Variants in OTOGL observed in about 807,000 individuals in gnomAD.
OTOGL encodes otogelin like.
In OTOGL, 285 loss-of-function variants were observed where a neutral mutation model predicts 318.5. That is an observed-to-expected ratio of 0.89 (90% CI 0.81 to 0.99). OTOGL has a LOEUF of 0.99. OTOGL is among the 50% of genes least tolerant of loss of function. OTOGL has a pLI of 0.00. For missense variants in OTOGL, 2,899 were observed against 2,845.6 expected (o/e 1.02, Z -0.43); for synonymous variants, 987 against 936.5 (o/e 1.05, Z -0.99).
At chr12:80,203,503 C>T (rs1400819888) in intron 1 of OTOGL, among the ~76,000 whole-genome samples, 1 of 152,114 alleles carries the variant, frequency 6.6e-6, no homozygotes, top group Non-Finnish European at 1.5e-5. Context: ...GGGTGGAGGG[C>T]AGCACCATTA....
chr12:80,371,477 G>A (rs941848943), intron 56 of OTOGL, among the ~76,000 whole-genome samples: 17 of 151,954 alleles, frequency 1.1e-4, no homozygotes, highest in Admixed American at 3.9e-4. Flanking sequence ...TATTTATAGC[G>A]TAAATCATTC....
intron 1 of OTOGL, among the ~76,000 whole-genome samples, chr12:80,154,401 A>G (rs1464208903): frequency 6.6e-6 from 1 of 152,198 alleles, no homozygotes; most frequent in Non-Finnish European, 1.5e-5. Flanking sequence ...GAAACCACCA[A>G]CTGTTATAGT....
At chr12:80,300,122 G>A (rs1160621127) in intron 27 of OTOGL, among the ~76,000 whole-genome samples, 1 of 151,584 alleles carries the variant, frequency 6.6e-6, no homozygotes. Flanking sequence ...CTGACTTGGG[G>A]GCAGGGCAAG....
Position 80,358,763 on chromosome 12 carries a change from A to G in OTOGL, c.6214A>G (p.Thr2072Ala). Reference sequence around the variant, plus strand: ...AAATGTATCTGGTCAATGTTGCCCAACATGGCACTGTGGTAACTAATTTTC... The same window carrying G: ...AAATGTATCTGGTCAATGTTGCCCAGCATGGCACTGTGGTAACTAATTTTC... ...KENVSGQCCP[T>A]WHCECNCENL... Residue 2072 changes from threonine (T) to alanine (A), a missense_variant, in exon 51 of 59, where the codon ACA becomes GCA. By Grantham distance (58) the Thr-to-Ala change is moderately conservative (BLOSUM62 0). Around this residue, in one of 3 missense-constraint regions of OTOGL, gnomAD observed 2,607 missense variants for 2,524.9 expected, o/e 1.03. Transcript: ENST00000547103. 6.2e-7 allele frequency: 1 copy of G among 1,607,226 alleles called. No homozygotes were observed. Among genetic ancestry groups the G allele is most frequent in the Admixed American group, 1.7e-5 (1 of 59,918 alleles).
At chr12:80,368,012 G>A (rs374796101) in intron 54 of OTOGL, among the ~76,000 whole-genome samples, 193 bp from the exon 55 acceptor site, 6 of 151,988 alleles carry the variant, frequency 3.9e-5, no homozygotes, top group African/African-American at 1.2e-4. Flanking sequence ...TAGAAGTAAA[G>A]GTTAACATCT....
chr12:80,242,194 A>C (rs1880441999), intron 11 of OTOGL, among the ~76,000 whole-genome samples: 1 of 152,200 alleles, frequency 6.6e-6, no homozygotes, highest in Non-Finnish European at 1.5e-5. Flanking sequence ...TTCATCATTG[A>C]GAAATTAACA....
chr12:80,171,860 T>C (rs1206156969), intron 1 of OTOGL, among the ~76,000 whole-genome samples: 1 of 152,164 alleles, frequency 6.6e-6, no homozygotes, highest in East Asian at 1.9e-4. Context: ...TTCTCTATTA[T>C]TCTTCTTAGT....
At chr12:80,334,493 G>A (rs769033579) in intron 38 of OTOGL, among the ~76,000 whole-genome samples, 13 of 152,052 alleles carry the variant, frequency 8.5e-5, no homozygotes, top group African/African-American at 2.4e-4. Flanking sequence ...AATTCTCAGC[G>A]GATAAATGGT....
In OTOGL at chr12:80,325,560, G is replaced by A. The variant is rs558207546; in HGVS notation, c.4199+1720G>A. Reference sequence around the variant, plus strand: ...AGGGTTTGGACTGCTACACCCTGTTGTTTGTCAAGTGCTGTGAGATCAGAG... The same window carrying A: ...AGGGTTTGGACTGCTACACCCTGTTATTTGTCAAGTGCTGTGAGATCAGAG... On this transcript the variant is annotated intron_variant, in intron 35 of 58. Coordinates refer to ENST00000547103, the MANE Select transcript of OTOGL (RefSeq NM_001378609.3). 2.0e-5 allele frequency among the ~76,000 whole-genome samples: 3 copies of A among 152,310 alleles called. No individual in the cohort carries two copies. In the East Asian group the frequency reaches 5.8e-4, roughly 29 times the overall value.
In OTOGL at chr12:80,336,413, G is replaced by A; in HGVS notation, c.4601G>A (p.Cys1534Tyr). The change falls in exon 40 of 59, where the codon TGT becomes TAT. Residue 1534 changes from cysteine (C) to tyrosine (Y), a missense_variant and splice_region_variant. Physicochemically the swap from Cys to Tyr is radical, Grantham distance 194. Around this residue, in one of 3 missense-constraint regions of OTOGL, gnomAD observed 2,607 missense variants for 2,524.9 expected, o/e 1.03. Transcript: ENST00000547103. The part of the protein sequence containing the change: ...DICCPEWECP[C>Y]RCSMLSELSI... Reference sequence around the variant, plus strand: ...AATCCACTTTCCACCATTTTTATAGGTCGGTGTTCCATGTTGTCAGAACTG... The same window carrying A: ...AATCCACTTTCCACCATTTTTATAGATCGGTGTTCCATGTTGTCAGAACTG... The A allele has an allele frequency of 6.3e-7, 1 of 1,590,612 alleles. No homozygotes were observed.
At position 80,155,937 on chromosome 12, in the gene OTOGL, A is replaced by G. The variant is rs139626507; in HGVS notation, c.-19-53476A>G. On this transcript the variant is annotated intron_variant, in intron 1 of 58. Coordinates refer to ENST00000547103, the MANE Select transcript of OTOGL (RefSeq NM_001378609.3). ...CCTCCAGTTACGTCCACGTTGTGGC[A>G]AATGACTGGATCTCATTCATTTTTA... 6.6e-5 allele frequency among the ~76,000 whole-genome samples: 10 copies of G among 152,346 alleles called. No homozygotes were observed. In the East Asian group the frequency reaches 1.9e-3, roughly 29 times the overall value.
intron 18 of OTOGL, among the ~76,000 whole-genome samples, chr12:80,259,698 C>T (rs1372476297): frequency 1.3e-5 from 2 of 152,080 alleles, no homozygotes; most frequent in Non-Finnish European, 2.9e-5. Context: ...TACGTCCCTG[C>T]AAAAGACAGG....
intron 19 of OTOGL, 89 bp from the exon 20 acceptor site, chr12:80,264,912 C>A: frequency 1.5e-6 from 2 of 1,307,132 alleles, no homozygotes; most frequent in South Asian, 1.2e-5. Context: ...ATATGCACTA[C>A]AGTGTATTTC....
chr12:80,143,256 AC>A (rs556158934), intron 1 of OTOGL, among the ~76,000 whole-genome samples: 139 of 152,268 alleles, frequency 9.1e-4, no homozygotes, highest in Admixed American at 9.0e-3. Context: ...AAGTAGATGC[AC>A]CCTGTTAACT....
At chr12:80,259,922 C>A (rs553725968) in intron 18 of OTOGL, among the ~76,000 whole-genome samples, 1 of 152,184 alleles carries the variant, frequency 6.6e-6, no homozygotes, top group East Asian at 1.9e-4. Flanking sequence ...TTATTGTTCA[C>A]CCCAATTCAG....
At chr12:80,153,685 A>T (rs116465965) in intron 1 of OTOGL, among the ~76,000 whole-genome samples, 2,820 of 152,216 alleles carry the variant, frequency 0.019, 82 homozygotes, top group African/African-American at 0.062. Context: ...TGCCCTAAAA[A>T]TCCTCTGTGC....
intron 19 of OTOGL, 124 bp downstream of exon 19, chr12:80,262,217 C>A: frequency 1.0e-6 from 1 of 998,274 alleles, no homozygotes; most frequent in Non-Finnish European, 1.3e-6. Context: ...AAATCAATGC[C>A]ATTCCTCGTG....
At chr12:80,347,524 CT>C (rs1889273049) in intron 44 of OTOGL, among the ~76,000 whole-genome samples, 1 of 152,152 alleles carries the variant, frequency 6.6e-6, no homozygotes, top group Non-Finnish European at 1.5e-5. Context: ...GCCACATTTT[CT>C]TTATCTAGTC....
At chr12:80,366,440 T>A in intron 52 of OTOGL, 134 bp from the exon 53 acceptor site, 1 of 445,382 alleles carries the variant, frequency 2.2e-6, no homozygotes, top group African/African-American at 2.0e-5. Flanking sequence ...GATAAGGGAC[T>A]TATTAGATGT....
Sources: allele counts gnomAD v4.1 joint callset (sites outside exome capture counted in the v4.1 genomes callset), GRCh38; gene constraint gnomAD v4.1.1; regional missense constraint gnomAD v4.1.1; transcripts MANE v1.5; gene names NCBI Gene and HGNC (gene_info 2026-07-23, HGNC 2026-07-21).